Variants in EIF3F observed in about 807,000 individuals in gnomAD.
EIF3F encodes deubiquitinating enzyme eIF3f.
A neutral mutation model predicts 36.0 loss-of-function variants in EIF3F; 8 were observed. The observed-to-expected ratio is 0.22, with a 90% CI of 0.13 to 0.40. The LOEUF (loss-of-function observed/expected upper bound fraction) is 0.40. Among genes scored for constraint, EIF3F ranks in the 10% least tolerant of loss-of-function variants. The pLI, the probability that EIF3F is intolerant of heterozygous loss-of-function variation, is 1.00. For missense variants in EIF3F, 430 were observed against 467.6 expected (o/e 0.92, Z 0.74); for synonymous variants, 184 against 188.5 (o/e 0.98, Z 0.19).
At chr11:7,988,131 A>G (rs1246662506) in intron 1 of EIF3F, among the ~76,000 whole-genome samples, 2 of 152,194 alleles carry the variant, frequency 1.3e-5, no homozygotes, top group East Asian at 1.9e-4. Context: ...CAGTGACCAC[A>G]TATTTCTCCC....
At chr11:7,994,818 G>A in intron 5 of EIF3F, 164 bp from the exon 6 acceptor site, 1 of 1,040,188 alleles carries the variant, frequency 9.6e-7, no homozygotes, top group South Asian at 1.6e-5. Flanking sequence ...AAGAAAAGCT[G>A]ATAAGGGCAC....
Position 8,001,442 on chromosome 11 carries a change from T to C in EIF3F, c.*5420T>C, listed in dbSNP as rs1240831317. On this transcript the variant is annotated 3_prime_UTR_variant, in exon 8 of 8. Transcript: ENST00000651655. ...ATGAATACATAGATAAGTACTGAAA[T>C]ACTTGGTTATCATAGCGTAAAGATG... The C allele has an allele frequency of 1.3e-5, 2 of 152,186 alleles. No homozygotes were observed. Among genetic ancestry groups the C allele is most frequent in the Non-Finnish European group, 2.9e-5 (2 of 68,030 alleles). 9.4% of individuals were successfully genotyped at this position (152,186 alleles called of 1,614,324 possible).
At chr11:7,993,748 T>A (rs1474068501) in intron 4 of EIF3F, among the ~76,000 whole-genome samples, 1 of 152,162 alleles carries the variant, frequency 6.6e-6, no homozygotes, top group East Asian at 1.9e-4. Context: ...GCCAAGTCTT[T>A]ATGAGCCAGT....
intron 5 of EIF3F, 92 bp from the exon 6 acceptor site, chr11:7,994,890 C>G: frequency 6.5e-7 from 1 of 1,544,978 alleles, no homozygotes; most frequent in Non-Finnish European, 8.8e-7. Context: ...GTTAGTAGGA[C>G]GTTAAGACCA....
chr11:7,988,403 T>C (rs1163169084), intron 1 of EIF3F, among the ~76,000 whole-genome samples: 1 of 152,240 alleles, frequency 6.6e-6, no homozygotes, highest in Admixed American at 6.5e-5. Context: ...AGTTGTATTA[T>C]CTGTTTATAT....
At position 7,997,780 on chromosome 11, in the gene EIF3F, A is replaced by G. The variant is rs1023070594; in HGVS notation, c.*1758A>G. On this transcript the variant is annotated 3_prime_UTR_variant, in exon 8 of 8. Coordinates refer to ENST00000651655, the MANE Select transcript of EIF3F (RefSeq NM_003754.3). The stretch of plus-strand genomic sequence containing the variant: ...TAGACATGCGGTTGGCTGTCTGTAT[A>G]TGTGGGTTCCACATCTATGGACTCA... 1 of 152,242 alleles carries G rather than the reference A, an allele frequency of 6.6e-6. No homozygotes were observed. The highest frequency in any genetic ancestry group is 6.5e-5 in the Admixed American group (1 of 15,288). The allele number at this position is 152,242 out of a possible 1,614,324, so 9.4% of individuals were successfully genotyped here.
chr11:7,994,504 T>C lies in EIF3F; in HGVS notation c.732T>C (p.Thr244=). Residue 244 remains threonine (T), a synonymous_variant, in exon 5 of 8, where the codon ACT becomes ACC. Coordinates refer to ENST00000651655, the MANE Select transcript of EIF3F (RefSeq NM_003754.3). ...CAGTGAAATACGCGTACTACGACAC[T>C]GAACGCATCGGAGGTGAGTAACCTT... The part of the protein sequence containing the change: ...PLTVKYAYYD[T]ERIGVDLIMK... The C allele has an allele frequency of 6.2e-7, 1 of 1,613,728 alleles. No homozygotes were observed. Among genetic ancestry groups the C allele is most frequent in the Non-Finnish European group, 8.5e-7 (1 of 1,179,846 alleles).
At chr11:7,992,330 G>T in intron 3 of EIF3F, 167 bp downstream of exon 3, 1 of 651,394 alleles carries the variant, frequency 1.5e-6, no homozygotes, top group Non-Finnish European at 2.6e-6. Flanking sequence ...CAGCTGGGAG[G>T]CTGAGGCAGG....
intron 3 of EIF3F, 187 bp from the exon 4 acceptor site, chr11:7,992,700 T>G (rs1351898066): frequency 1.4e-6 from 1 of 732,908 alleles, no homozygotes; most frequent in Non-Finnish European, 2.3e-6. Context: ...GAATTTTTCA[T>G]CAGCACTAAG....
Position 7,987,524 on chromosome 11 carries a change from G to A in EIF3F, c.172G>A (p.Ala58Thr), listed in dbSNP as rs757028511. 9 of 1,605,600 alleles carry A rather than the reference G, an allele frequency of 5.6e-6. No individual in the cohort carries two copies. The highest frequency in any genetic ancestry group is 7.6e-6 in the Non-Finnish European group (9 of 1,177,280). The stretch of plus-strand genomic sequence containing the variant: ...TGCGGCAGCAGCGGCTGCAACTGCG[G>A]CTCCTGGCCAGACCCCGGCCTCAGC... ...DPAAAAAATA[A>T]PGQTPASAQA... The change falls in exon 1 of 8, where the codon GCT becomes ACT. Residue 58 changes from alanine to threonine, a missense_variant. Physicochemically the swap from Ala to Thr is moderately conservative, Grantham distance 58. Around this residue, in one of 2 missense-constraint regions of EIF3F, gnomAD observed 168 missense variants for 120.2 expected, o/e 1.40. Coordinates refer to ENST00000651655, the MANE Select transcript of EIF3F (RefSeq NM_003754.3).
At chr11:7,990,754 G>T (rs937059953) in intron 1 of EIF3F, among the ~76,000 whole-genome samples, 2 of 152,138 alleles carry the variant, frequency 1.3e-5, no homozygotes, top group Non-Finnish European at 2.9e-5. Context: ...CAACACTGTG[G>T]TTTCTGGTGG....
intron 7 of EIF3F, 161 bp from the exon 8 acceptor site, chr11:7,995,784 T>C (rs1288058840): frequency 1.4e-6 from 1 of 698,836 alleles, no homozygotes; most frequent in African/African-American, 1.8e-5. Context: ...AAGCATTTCC[T>C]TTCTGTCTTC....
chr11:7,995,408 C>A, intron 7 of EIF3F, 41 bp downstream of exon 7: 4 of 1,485,752 alleles, frequency 2.7e-6, no homozygotes, highest in Non-Finnish European at 3.8e-6. Flanking sequence ...TGGTTTCTTC[C>A]CCCACCTCAG....
chr11:7,994,861 A>G, intron 5 of EIF3F, 121 bp from the exon 6 acceptor site: 1 of 1,417,112 alleles, frequency 7.1e-7, no homozygotes, highest in Non-Finnish European at 9.7e-7. Flanking sequence ...ACTGAGTCTA[A>G]GGGGAGTTGG....
At chr11:7,991,938 A>G in intron 2 of EIF3F, 87 bp downstream of exon 2, 1 of 1,533,010 alleles carries the variant, frequency 6.5e-7, no homozygotes, top group Non-Finnish European at 9.0e-7. Flanking sequence ...ACTCATAACT[A>G]GAGCTCCTGT....
In EIF3F at chr11:8,001,372, A is replaced by G. The variant is rs1294008727; in HGVS notation, c.*5350A>G. On this transcript the variant is annotated 3_prime_UTR_variant, in exon 8 of 8. Transcript: ENST00000651655. ...CCTTAACCCAGGAATTCCACTCCTC[A>G]TTATATATCCTACAAATAAACTGGT... 1 of 152,212 alleles carries G rather than the reference A, an allele frequency of 6.6e-6. No individual in the cohort carries two copies. The highest frequency in any genetic ancestry group is 6.5e-5 in the Admixed American group (1 of 15,282). 9.4% of individuals were successfully genotyped at this position (152,212 alleles called of 1,614,324 possible).
intron 5 of EIF3F, 97 bp downstream of exon 5, chr11:7,994,614 A>C: frequency 1.8e-6 from 2 of 1,124,436 alleles, no homozygotes; most frequent in Non-Finnish European, 2.6e-6. Context: ...GGGTGGTTTG[A>C]AAAGGGACTA....
Position 8,001,275 on chromosome 11 carries a change from C to T in EIF3F, c.*5253C>T, listed in dbSNP as rs558736841. ...GGAAACGTGACACAGGCACAGATTG[C>T]TGGTAGACATATAAGTTGGTACAGC... On this transcript the variant is annotated 3_prime_UTR_variant, in exon 8 of 8. Transcript: ENST00000651655. The T allele has an allele frequency of 6.6e-6, 1 of 152,298 alleles. No homozygotes were observed. The highest frequency in any genetic ancestry group is 6.5e-5 in the Admixed American group (1 of 15,296). 9.4% of individuals were successfully genotyped at this position (152,298 alleles called of 1,614,324 possible).
intron 5 of EIF3F, 118 bp downstream of exon 5, chr11:7,994,635 G>T: frequency 1.1e-6 from 1 of 920,750 alleles, no homozygotes; most frequent in Non-Finnish European, 1.6e-6. Context: ...TTGATCTAAG[G>T]TTTGTGAAGA....
Sources: allele counts gnomAD v4.1 joint callset (sites outside exome capture counted in the v4.1 genomes callset), GRCh38; gene constraint gnomAD v4.1.1; regional missense constraint gnomAD v4.1.1; transcripts MANE v1.5; gene names NCBI Gene and HGNC (gene_info 2026-07-23, HGNC 2026-07-21).